LRRN2: variants seen among roughly 807,000 people sequenced by gnomAD.
The protein encoded by LRRN2 is leucine rich repeat neuronal 2, also known as leucine-rich repeat neuronal protein 2.
In LRRN2, 10 loss-of-function variants were observed where a neutral mutation model predicts 35.7. The ratio of observed to expected loss-of-function variants is 0.28; its 90% CI spans 0.17 to 0.47. The LOEUF (loss-of-function observed/expected upper bound fraction) is 0.47, where lower values mean the gene tolerates loss of function less well. Ranked by LOEUF, LRRN2 falls within the 20% of genes least tolerant of loss-of-function variation. The pLI is 0.99. For synonymous variants in LRRN2, 391 were observed against 409.6 expected (o/e 0.95, Z 0.55); for missense variants, 731 against 940.3 (o/e 0.78, Z 2.91).
Position 204,617,693 on chromosome 1 carries a change from C to G in LRRN2, c.*158G>C. The G allele has an allele frequency of 2.4e-6, 2 of 824,750 alleles. No individual in the cohort carries two copies. Among genetic ancestry groups the G allele is most frequent in the Admixed American group, 2.3e-5 (1 of 43,312 alleles). 51.1% of individuals were successfully genotyped at this position (824,750 alleles called of 1,614,324 possible). On this transcript the variant is annotated 3_prime_UTR_variant, in exon 2 of 2. Coordinates refer to ENST00000367177, the MANE Select transcript of LRRN2 (RefSeq NM_201630.2). ...AACTTTTTCGAGGCTGCAGAAGCACCCCCAGGGCCACAAAGCCCCATCTGT... is the reference window on the plus strand; with the variant it reads ...AACTTTTTCGAGGCTGCAGAAGCACGCCCAGGGCCACAAAGCCCCATCTGT...
chr1:204,636,086 C>T (rs1209233448), intron 1 of LRRN2, among the ~76,000 whole-genome samples: 1 of 152,194 alleles, frequency 6.6e-6, no homozygotes, highest in Non-Finnish European at 1.5e-5. Flanking sequence ...ATCCCCTGCT[C>T]GCTGCCATGA....
intron 1 of LRRN2, among the ~76,000 whole-genome samples, chr1:204,670,184 G>A (rs1193657370): frequency 1.3e-5 from 2 of 152,144 alleles, no homozygotes; most frequent in African/African-American, 2.4e-5. Context: ...GAGGAGTGGA[G>A]TGGATGGACC....
At position 204,618,408 on chromosome 1, in the gene LRRN2, G is replaced by T; in HGVS notation, c.1585C>A (p.Leu529Met). ...TGGGTCTCCTGCACCCGGAGCTCCA[G>T]CCCCTGTCCTTCGTCCCTGCCTGGC... Reference protein sequence around the residue: ...LQPGRDEGQGLELRVQETHPY... With the variant: ...LQPGRDEGQGMELRVQETHPY... The change falls in exon 2 of 2, where the codon CTG becomes ATG. Residue 529 changes from leucine (L) to methionine (M), a missense_variant. By Grantham distance (15) the Leu-to-Met change is conservative. Coordinates refer to ENST00000367177, the MANE Select transcript of LRRN2 (RefSeq NM_201630.2). 6.2e-7 allele frequency: 1 copy of T among 1,613,742 alleles called. No homozygotes were observed. Among genetic ancestry groups the T allele is most frequent in the Non-Finnish European group, 8.5e-7 (1 of 1,179,700 alleles).
chr1:204,660,108 G>A (rs1218390622), intron 1 of LRRN2, among the ~76,000 whole-genome samples: 1 of 152,236 alleles, frequency 6.6e-6, no homozygotes, highest in Non-Finnish European at 1.5e-5. Flanking sequence ...CCTCAAGGCT[G>A]CTTCTTCCTG....
chr1:204,654,776 C>G (rs1668311930), intron 1 of LRRN2, among the ~76,000 whole-genome samples: 1 of 152,210 alleles, frequency 6.6e-6, no homozygotes, highest in Admixed American at 6.5e-5. Flanking sequence ...TCCATGAGAG[C>G]TGATGGAGCT....
intron 1 of LRRN2, among the ~76,000 whole-genome samples, chr1:204,637,693 T>TGTGTGTGTG: frequency 8.8e-5 from 11 of 125,224 alleles, no homozygotes; most frequent in South Asian, 2.7e-4. Context: ...TGTGTGTGTG[T>TGTGTGTGTG]TTGGGGGCAG....
rs148211812 is a variant in LRRN2, at chr1:204,633,806, A to G, written c.-226-13588T>C. On this transcript the variant is annotated intron_variant, in intron 1 of 1. Transcript: ENST00000367177. ...CCTGGAATAGAATGAGGAGATTTCC[A>G]GTTGACTTATTCAAGCTCCGTTGGG... Among the ~76,000 whole-genome samples the G allele has an allele frequency of 3.2e-3, 482 of 152,312 alleles. 1 individual carries two copies. Among genetic ancestry groups the G allele is most frequent in the Middle Eastern group, 6.8e-3 (2 of 294 alleles).
chr1:204,660,932 C>T (rs1225899422), intron 1 of LRRN2, among the ~76,000 whole-genome samples: 1 of 152,112 alleles, frequency 6.6e-6, no homozygotes, highest in Non-Finnish European at 1.5e-5. Context: ...GGGCCCAGGT[C>T]CTCCACAGCA....
rs777988442 is a variant in LRRN2, at chr1:204,618,082, G to A, written c.1911C>T (p.Leu637=). ...DRPGLIAILA[L]AVLLLAAGLA... ...GCCCAGCTGCCAGGAGAAGGACAGC[G>A]AGAGCCAGGATGGCAATGAGCCCAG... The change falls in exon 2 of 2, where the codon CTC becomes CTT. Residue 637 remains leucine, a synonymous_variant. Coordinates refer to ENST00000367177, the MANE Select transcript of LRRN2 (RefSeq NM_201630.2). 9.3e-6 allele frequency: 15 copies of A among 1,613,886 alleles called. No homozygotes were observed. The highest frequency in any genetic ancestry group is 3.3e-4 in the Middle Eastern group (2 of 6,082).
chr1:204,623,046 A>G (rs12094388), intron 1 of LRRN2, among the ~76,000 whole-genome samples: 140,753 of 152,168 alleles, frequency 0.92, 65,280 homozygotes, highest in East Asian at 1. Flanking sequence ...GGCTCCTAGG[A>G]CTCCTAGGGC....
At chr1:204,660,310 C>A (rs1391083603) in intron 1 of LRRN2, among the ~76,000 whole-genome samples, 1 of 152,182 alleles carries the variant, frequency 6.6e-6, no homozygotes, top group African/African-American at 2.4e-5. Flanking sequence ...TCTCCCCTTG[C>A]CTTTTCTGTT....
At chr1:204,678,528 T>C (rs1039048809) in intron 1 of LRRN2, among the ~76,000 whole-genome samples, 4 of 152,028 alleles carry the variant, frequency 2.6e-5, no homozygotes, top group Non-Finnish European at 4.4e-5. Flanking sequence ...AAAATCCCCC[T>C]CCTCACCAGC....
chr1:204,680,034 C>T (rs1054600840), intron 1 of LRRN2, among the ~76,000 whole-genome samples: 2 of 152,156 alleles, frequency 1.3e-5, no homozygotes, highest in Admixed American at 6.5e-5. Context: ...GCCCAAGGAA[C>T]ACCAGATTCC....
intron 1 of LRRN2, among the ~76,000 whole-genome samples, chr1:204,632,444 A>G (rs1028375982): frequency 2.0e-5 from 3 of 151,014 alleles, no homozygotes; most frequent in African/African-American, 7.3e-5. Context: ...CAGCCTGGCA[A>G]CAAGGTGAAA....
intron 1 of LRRN2, among the ~76,000 whole-genome samples, chr1:204,627,873 CT>C (rs1457062667): frequency 6.6e-6 from 1 of 152,224 alleles, no homozygotes; most frequent in Non-Finnish European, 1.5e-5. Context: ...AGGAACTGTG[CT>C]TCAAGTTGCC....
At chr1:204,676,486 C>T (rs1668827216) in intron 1 of LRRN2, among the ~76,000 whole-genome samples, 1 of 152,126 alleles carries the variant, frequency 6.6e-6, no homozygotes, top group Non-Finnish European at 1.5e-5. Flanking sequence ...TCTCATTCTT[C>T]CATACAGCAT....
intron 1 of LRRN2, among the ~76,000 whole-genome samples, chr1:204,637,805 C>T (rs1667872859): frequency 6.6e-6 from 1 of 152,102 alleles, no homozygotes; most frequent in Admixed American, 6.5e-5. Flanking sequence ...TGGGGGAGTG[C>T]CATGGCAACA....
chr1:204,673,037 C>G (rs369343004), intron 1 of LRRN2, among the ~76,000 whole-genome samples: 6 of 152,142 alleles, frequency 3.9e-5, no homozygotes, highest in Non-Finnish European at 7.3e-5. Context: ...AGGGCCACCC[C>G]CTCTCTGCTA....
At chr1:204,685,081 C>G (rs921077418) in intron 1 of LRRN2, among the ~76,000 whole-genome samples, 1 of 152,202 alleles carries the variant, frequency 6.6e-6, no homozygotes, top group African/African-American at 2.4e-5. Flanking sequence ...TCGGCCGCCT[C>G]CCTCTCCCAA....
Sources: allele counts gnomAD v4.1 joint callset (sites outside exome capture counted in the v4.1 genomes callset), GRCh38; gene constraint gnomAD v4.1.1; transcripts MANE v1.5; gene names NCBI Gene and HGNC (gene_info 2026-07-23, HGNC 2026-07-21).